PAK1: variants seen among roughly 807,000 people sequenced by gnomAD.
The protein encoded by PAK1 is serine/threonine-protein kinase PAK 1.
PAK1 carries 29 observed loss-of-function variants against 67.4 expected under a neutral mutation model. That is an observed-to-expected ratio of 0.43 (90% confidence interval 0.32 to 0.59). The LOEUF is 0.59. PAK1 is among the 20% of genes least tolerant of loss of function. The pLI, the probability that PAK1 is intolerant of heterozygous loss-of-function variation, is 0.07. For synonymous variants in PAK1, 223 were observed against 237.4 expected, an observed-to-expected ratio of 0.94 and a Z score of 0.56; for missense variants, 337 against 670.7, an observed-to-expected ratio of 0.50 and a Z score of 5.50.
At chr11:77,359,457 A>G (rs993665002) in intron 5 of PAK1, among the ~76,000 whole-genome samples, 6 of 152,192 alleles carry the variant, frequency 3.9e-5, no homozygotes, top group Non-Finnish European at 8.8e-5. Flanking sequence ...CTCTCCTGAT[A>G]TGGTAAATGG....
chr11:77,426,401 C>T (rs1011552475), intron 1 of PAK1, among the ~76,000 whole-genome samples: 3 of 152,134 alleles, frequency 2.0e-5, no homozygotes, highest in Non-Finnish European at 4.4e-5. Context: ...CAGAGTCAAC[C>T]CTACAAGAAT....
intron 1 of PAK1, among the ~76,000 whole-genome samples, chr11:77,415,976 G>GTTTTATTATTATTATTATTATTATTAT (rs1555169327): frequency 6.8e-6 from 1 of 147,388 alleles, no homozygotes; most frequent in African/African-American, 2.5e-5. Context: ...TGTATTCTTT[G>GTTTTATTATTATTATTATTATTATTAT]TATTATTATT....
chr11:77,352,180 T>C (rs183266443), intron 8 of PAK1, among the ~76,000 whole-genome samples: 35 of 151,770 alleles, frequency 2.3e-4, no homozygotes, highest in Non-Finnish European at 4.4e-4. Flanking sequence ...CTACAGTCAT[T>C]ACCCCCGAAG....
At chr11:77,480,501 T>C in the PAK1 span, among the ~76,000 whole-genome samples, 2 of 151,834 alleles carry the variant, frequency 1.3e-5, no homozygotes, top group Non-Finnish European at 2.9e-5. Context: ...GATAATTCTA[T>C]TGTCTGAGTA....
chr11:77,433,781 AAAAT>A (rs1287389146), intron 1 of PAK1, among the ~76,000 whole-genome samples: 2 of 152,210 alleles, frequency 1.3e-5, no homozygotes, highest in African/African-American at 2.4e-5. Flanking sequence ...TGCGTCTCAA[AAAAT>A]AAATAAACAG....
chr11:77,398,724 T>C (rs1202407592), intron 1 of PAK1, among the ~76,000 whole-genome samples: 2 of 152,312 alleles, frequency 1.3e-5, no homozygotes, highest in Admixed American at 6.5e-5. Context: ...GATCATACGA[T>C]AGGTCTATCT....
At chr11:77,335,029 C>T (rs1232361305) in intron 13 of PAK1, among the ~76,000 whole-genome samples, 1 of 152,148 alleles carries the variant, frequency 6.6e-6, no homozygotes, top group Non-Finnish European at 1.5e-5. Flanking sequence ...TACCCTCCTC[C>T]TCCTTCGGGA....
At chr11:77,331,562 A>G (rs1941529467) in intron 14 of PAK1, among the ~76,000 whole-genome samples, 1 of 152,162 alleles carries the variant, frequency 6.6e-6, no homozygotes, top group African/African-American at 2.4e-5. Flanking sequence ...GCATGTTCTC[A>G]CTCATAGGTA....
chr11:77,408,073 G>A lies in PAK1; in HGVS notation c.-21-15532C>T, dbSNP rs1479584612. On this transcript the variant is annotated intron_variant, in intron 1 of 14. Transcript: ENST00000356341. ...AGAGAAGACTTAAGTTTAGGTCCTA[G>A]CTCTGCCACTGTCTTGCTAAATCAA... 2.0e-5 allele frequency: 3 copies of A among 152,338 alleles called. No homozygotes were observed. The East Asian group carries it at 5.8e-4, about 29-fold the overall frequency. 9.4% of individuals were successfully genotyped at this position (152,338 alleles called of 1,614,324 possible). A position where few individuals can be genotyped will look rare whatever the true frequency, so the allele number is the denominator to read the frequency against.
chr11:77,470,533 C>T (rs1340415246), intron 1 of PAK1, among the ~76,000 whole-genome samples: 1 of 152,108 alleles, frequency 6.6e-6, no homozygotes, highest in East Asian at 1.9e-4. Context: ...ATAATTGAAG[C>T]CACTCTCCCA....
At chr11:77,459,577 A>G (rs1431768543) in intron 1 of PAK1, among the ~76,000 whole-genome samples, 6 of 152,228 alleles carry the variant, frequency 3.9e-5, no homozygotes, top group Non-Finnish European at 2.9e-5. Context: ...CATGGAGTTG[A>G]AAGTCTAGAC....
chr11:77,527,047 A>T, the PAK1 span, among the ~76,000 whole-genome samples: 5 of 152,168 alleles, frequency 3.3e-5, no homozygotes, highest in East Asian at 9.6e-4. Context: ...TATTGTAAAA[A>T]CCAATAAAGG....
At chr11:77,425,352 G>A (rs1258304763) in intron 1 of PAK1, among the ~76,000 whole-genome samples, 1 of 150,994 alleles carries the variant, frequency 6.6e-6, no homozygotes, top group Non-Finnish European at 1.5e-5. Flanking sequence ...CAACTATGGT[G>A]TTCTACTCGG....
intron 1 of PAK1, among the ~76,000 whole-genome samples, chr11:77,405,674 G>GACAGAC (rs1491443193): frequency 3.7e-4 from 46 of 126,000 alleles, no homozygotes; most frequent in Middle Eastern, 4.3e-3. Context: ...CAGACAGACA[G>GACAGAC]ACACACACAC....
intron 8 of PAK1, 106 bp from the exon 9 acceptor site, chr11:77,349,393 A>T: frequency 1.2e-6 from 1 of 843,770 alleles, no homozygotes. Context: ...CAAAAACAAG[A>T]GCAGTAAAAA....
intron 1 of PAK1, among the ~76,000 whole-genome samples, chr11:77,434,730 C>CA (rs1253519482): frequency 2.0e-5 from 3 of 152,130 alleles, no homozygotes; most frequent in African/African-American, 7.2e-5. Context: ...CTGATCCTCC[C>CA]ACCTCAGCCT....
chr11:77,395,084 G>C (rs754141694), intron 1 of PAK1, among the ~76,000 whole-genome samples: 15 of 152,194 alleles, frequency 9.9e-5, no homozygotes, highest in African/African-American at 3.1e-4. Context: ...CTTCTGCCTA[G>C]AATACCAATT....
intron 1 of PAK1, among the ~76,000 whole-genome samples, chr11:77,464,908 C>G (rs1273942046): frequency 6.6e-6 from 1 of 152,118 alleles, no homozygotes; most frequent in Non-Finnish European, 1.5e-5. Flanking sequence ...TGCTTTTACA[C>G]CATCATAAAG....
chr11:77,467,032 G>A (rs1474413016), intron 1 of PAK1, among the ~76,000 whole-genome samples: 4 of 152,154 alleles, frequency 2.6e-5, no homozygotes, highest in East Asian at 1.9e-4. Flanking sequence ...CTGCTCTCAC[G>A]CCTCCCCACT....
Sources: allele counts gnomAD v4.1 joint callset (sites outside exome capture counted in the v4.1 genomes callset), GRCh38; gene constraint gnomAD v4.1.1; transcripts MANE v1.5; gene names NCBI Gene and HGNC (gene_info 2026-07-23, HGNC 2026-07-21).